Variants in AATF observed in about 807,000 individuals in gnomAD.
The protein encoded by AATF is apoptosis antagonizing transcription factor.
AATF carries 48 observed loss-of-function variants against 63.7 expected under a neutral mutation model. The observed-to-expected ratio is 0.75, with a 90% CI of 0.60 to 0.96. The LOEUF (loss-of-function observed/expected upper bound fraction) is 0.96, where lower values mean the gene tolerates loss of function less well. AATF is among the 40% of genes least tolerant of loss of function. The probability of loss-of-function intolerance (pLI) is 0.00; values close to 1 mark genes in which losing one functional copy is unlikely to be tolerated. For missense variants in AATF, 639 were observed against 685.7 expected (o/e 0.93, Z 0.76); for synonymous variants, 258 against 247.7 (o/e 1.04, Z -0.39).
rs1567962671 is a variant in AATF, at chr17:36,953,201, A to T, written c.599A>T (p.Asp200Val). 3 of 1,614,194 alleles carry T rather than the reference A, an allele frequency of 1.9e-6. No homozygotes were observed. In the East Asian group the frequency reaches 6.7e-5, roughly 36 times the overall value. The change falls in exon 3 of 12, where the codon GAT (aspartate) becomes GTT (valine). Residue 200 changes from aspartate to valine, a missense_variant. Physicochemically the swap from Asp to Val is radical, Grantham distance 152. Transcript: ENST00000619387. ...QGESEEDRAG[D>V]RNSEDDGVVM... ...GAGAGTGAGGAAGACAGGGCTGGAG[A>T]TAGAAACAGTGAGGATGATGGTGTG...
chr17:36,956,638 A>G (rs2070902926), intron 4 of AATF, among the ~76,000 whole-genome samples: 1 of 143,644 alleles, frequency 7.0e-6, no homozygotes, highest in Non-Finnish European at 1.5e-5. Flanking sequence ...GTGCCATTGC[A>G]CTCCAGCCTG....
chr17:37,032,771 A>G (rs2071561443), intron 11 of AATF, among the ~76,000 whole-genome samples: 1 of 152,170 alleles, frequency 6.6e-6, no homozygotes, highest in African/African-American at 2.4e-5. Flanking sequence ...TACTGAGAGC[A>G]TTTTCATGTC....
At chr17:36,966,714 T>C (rs1283418305) in intron 4 of AATF, among the ~76,000 whole-genome samples, 3 of 152,214 alleles carry the variant, frequency 2.0e-5, no homozygotes, top group African/African-American at 7.2e-5. Flanking sequence ...TTCCTGGAAT[T>C]GTTCCTGTCT....
rs146548441 is a variant in AATF at position 37,014,797 on chromosome 17, T to C, written c.1399-4208T>C. On this transcript the variant is annotated intron_variant, in intron 8 of 11. Coordinates refer to ENST00000619387, the MANE Select transcript of AATF (RefSeq NM_012138.4). ...TATCCTCTAAATTTTTGTCTTGTCT[T>C]GCAAATAAGCAAGGGGATATTATCT... Among the ~76,000 whole-genome samples the C allele has an allele frequency of 1.5e-3, 233 of 152,342 alleles. 1 individual carries two copies. The highest frequency in any genetic ancestry group is 5.3e-3 in the African/African-American group (221 of 41,598).
chr17:36,950,268 A>G lies in AATF; in HGVS notation c.146A>G (p.Asp49Gly). ...RFDEGEDGEG[D>G]FLVVGSIRKL... ...GATGAAGGGGAAGATGGGGAAGGTGATTTCCTAGTAGTGGGTAGCATTAGA... is the reference window on the plus strand; with the variant it reads ...GATGAAGGGGAAGATGGGGAAGGTGGTTTCCTAGTAGTGGGTAGCATTAGA... Residue 49 changes from aspartate (D) to glycine (G), a missense_variant, in exon 2 of 12, where the codon GAT (aspartate) becomes GGT (glycine). Asp to Gly is a moderately conservative substitution (Grantham distance 94). Transcript: ENST00000619387. 6.2e-7 allele frequency: 1 copy of G among 1,614,136 alleles called. No homozygotes were observed. The highest frequency in any genetic ancestry group is 8.5e-7 in the Non-Finnish European group (1 of 1,180,010).
intron 4 of AATF, among the ~76,000 whole-genome samples, chr17:36,971,379 A>G (rs969299581): frequency 6.6e-6 from 1 of 152,260 alleles, no homozygotes; most frequent in African/African-American, 2.4e-5. Flanking sequence ...ATACCTCTAC[A>G]TACCTATTAG....
At chr17:37,001,608 G>C (rs2071298949) in intron 8 of AATF, among the ~76,000 whole-genome samples, 1 of 152,128 alleles carries the variant, frequency 6.6e-6, no homozygotes, top group Non-Finnish European at 1.5e-5. Context: ...CATCTCAATA[G>C]AGACAGCAAA....
At chr17:37,054,985 C>T in intron 11 of AATF, 1 of 152,460 alleles carries the variant, frequency 6.6e-6, no homozygotes, top group Non-Finnish European at 1.5e-5. Flanking sequence ...GACGGAGCTG[C>T]TGATTTGGAA....
intron 8 of AATF, among the ~76,000 whole-genome samples, chr17:36,993,946 T>C (rs2142255386): frequency 6.6e-6 from 1 of 152,330 alleles, no homozygotes; most frequent in Admixed American, 6.5e-5. Context: ...CTTAATGGGC[T>C]TTAAGTTACC....
intron 11 of AATF, among the ~76,000 whole-genome samples, chr17:37,033,207 A>G (rs906385110): frequency 2.6e-5 from 4 of 152,204 alleles, no homozygotes; most frequent in African/African-American, 9.6e-5. Context: ...GTGCTTTGCA[A>G]GTGAATGTCT....
chr17:37,006,144 AG>A (rs1354111080), intron 8 of AATF, among the ~76,000 whole-genome samples: 1 of 152,056 alleles, frequency 6.6e-6, no homozygotes, highest in African/African-American at 2.4e-5. Flanking sequence ...CTCTAAAAAA[AG>A]AAAAAAAAGA....
chr17:36,953,713 C>A, intron 3 of AATF, 57 bp from the exon 4 acceptor site: 1 of 1,569,494 alleles, frequency 6.4e-7, no homozygotes, highest in South Asian at 1.2e-5. Context: ...ACCCCTGCCA[C>A]CTCACCCCCA....
intron 8 of AATF, chr17:36,999,108 A>G (rs1205455745): frequency 6.6e-6 from 1 of 152,208 alleles, no homozygotes; most frequent in East Asian, 1.9e-4. Flanking sequence ...CAAGAATGTA[A>G]TCATTGTTGG....
chr17:36,961,514 T>G (rs1272594824), intron 4 of AATF, among the ~76,000 whole-genome samples: 3 of 152,234 alleles, frequency 2.0e-5, no homozygotes, highest in Non-Finnish European at 4.4e-5. Flanking sequence ...GTTAAGTCTT[T>G]GAAATCCAGA....
chr17:37,007,760 AAAG>A (rs2071353422), intron 8 of AATF, among the ~76,000 whole-genome samples: 1 of 152,192 alleles, frequency 6.6e-6, no homozygotes, highest in Non-Finnish European at 1.5e-5. Context: ...CTGGGCTTTC[AAAG>A]AAGGATGGCC....
At chr17:36,961,765 G>C (rs7207119) in intron 4 of AATF, among the ~76,000 whole-genome samples, 23,426 of 151,352 alleles carry the variant, frequency 0.15, 5,771 homozygotes, top group African/African-American at 0.52. Context: ...CCTCTGCCCC[G>C]CCGGGTTTAA....
intron 6 of AATF, 150 bp from the exon 7 acceptor site, chr17:36,989,097 G>A: frequency 1.2e-6 from 1 of 867,406 alleles, no homozygotes; most frequent in African/African-American, 1.7e-5. Flanking sequence ...AACAATTATA[G>A]CCACTCACAA....
intron 11 of AATF, among the ~76,000 whole-genome samples, chr17:37,049,775 T>G (rs546391091): frequency 6.6e-6 from 1 of 152,250 alleles, no homozygotes; most frequent in South Asian, 2.1e-4. Flanking sequence ...GCCGTTAGCA[T>G]GTGCCAAGTG....
chr17:36,955,860 T>C (rs1057211958), intron 4 of AATF, among the ~76,000 whole-genome samples: 1 of 152,152 alleles, frequency 6.6e-6, no homozygotes, highest in Non-Finnish European at 1.5e-5. Context: ...ACTCTTGGGT[T>C]CAAGTGATCT....
Sources: allele counts gnomAD v4.1 joint callset (sites outside exome capture counted in the v4.1 genomes callset), GRCh38; gene constraint gnomAD v4.1.1; transcripts MANE v1.5; gene names NCBI Gene and HGNC (gene_info 2026-07-23, HGNC 2026-07-21).